Variants in CCDC7 observed in about 807,000 individuals in gnomAD.
The protein encoded by CCDC7 is coiled-coil domain-containing protein 7.
In CCDC7, 183 loss-of-function variants were observed where a neutral mutation model predicts 196.9. The ratio of observed to expected loss-of-function variants is 0.93; its 90% CI spans 0.82 to 1.05. The LOEUF is 1.05. Among genes scored for constraint, CCDC7 ranks in the 50% least tolerant of loss-of-function variants. The probability of loss-of-function intolerance (pLI) is 0.00; values close to 1 mark genes in which losing one functional copy is unlikely to be tolerated. For synonymous variants in CCDC7, 525 were observed against 484.6 expected (o/e 1.08, Z -1.10); for missense variants, 1,540 against 1,482.2 (o/e 1.04, Z -0.64).
At chr10:32,713,730 C>A (rs1310392887) in intron 25 of CCDC7, among the ~76,000 whole-genome samples, 2 of 152,204 alleles carry the variant, frequency 1.3e-5, no homozygotes, top group Non-Finnish European at 2.9e-5. Flanking sequence ...TCTCATAGAT[C>A]TCCTCTAGAA....
At chr10:32,679,218 A>T (rs1011309822) in intron 21 of CCDC7, among the ~76,000 whole-genome samples, 4 of 152,150 alleles carry the variant, frequency 2.6e-5, no homozygotes, top group Admixed American at 2.0e-4. Context: ...AAAGGCCAAT[A>T]ATTGTCTCTT....
At chr10:32,641,164 C>T (rs7921463) in intron 20 of CCDC7, among the ~76,000 whole-genome samples, 21,785 of 151,926 alleles carry the variant, frequency 0.14, 1,942 homozygotes, top group African/African-American at 0.26. Flanking sequence ...ATCTTTGTGG[C>T]GTTCTCTGTA....
At chr10:32,502,332 A>C (rs2044197370) in intron 9 of CCDC7, among the ~76,000 whole-genome samples, 2 of 152,252 alleles carry the variant, frequency 1.3e-5, no homozygotes, top group South Asian at 2.1e-4. Context: ...GACCCCTTGC[A>C]CTTCCCAGGT....
chr10:32,636,377 C>G (rs995745362), intron 20 of CCDC7, among the ~76,000 whole-genome samples: 1 of 152,134 alleles, frequency 6.6e-6, no homozygotes, highest in Non-Finnish European at 1.5e-5. Context: ...TATCCCTCCC[C>G]CTACCCCCAC....
At chr10:32,518,388 C>T (rs1160359871) in intron 10 of CCDC7, 28 bp from the exon 12 acceptor site, 2 of 1,549,494 alleles carry the variant, frequency 1.3e-6, no homozygotes, top group African/African-American at 1.4e-5. Flanking sequence ...TTTTACTCTT[C>T]ATTATTACTA....
intron 30 of CCDC7, among the ~76,000 whole-genome samples, chr10:32,812,379 A>G (rs1025451630): frequency 1.3e-5 from 2 of 152,106 alleles, no homozygotes; most frequent in Non-Finnish European, 2.9e-5. Context: ...ATAAAATTAT[A>G]TAAAGAAATA....
chr10:32,822,727 C>A (rs1474649454), intron 31 of CCDC7, among the ~76,000 whole-genome samples: 1 of 152,042 alleles, frequency 6.6e-6, no homozygotes, highest in African/African-American at 2.4e-5. Context: ...ATACACATTT[C>A]TGTAATAAGC....
At chr10:32,477,566 G>A (rs77008484) in intron 8 of CCDC7, among the ~76,000 whole-genome samples, 1 of 134,286 alleles carries the variant, frequency 7.4e-6, no homozygotes, top group East Asian at 2.3e-4. Context: ...TTTTTTTTTT[G>A]CATTTGGATG....
chr10:32,708,315 A>G (rs1003742422), intron 24 of CCDC7, among the ~76,000 whole-genome samples: 2 of 152,228 alleles, frequency 1.3e-5, no homozygotes, highest in African/African-American at 4.8e-5. Context: ...TTGTACAAAA[A>G]TTAATTCACA....
At chr10:32,640,575 C>G (rs1388176106) in intron 20 of CCDC7, among the ~76,000 whole-genome samples, 1 of 152,144 alleles carries the variant, frequency 6.6e-6, no homozygotes, top group Non-Finnish European at 1.5e-5. Flanking sequence ...TTATTTTGCT[C>G]GTTAGTTGAT....
intron 1 of CCDC7, among the ~76,000 whole-genome samples, chr10:32,452,609 C>T (rs1388743949): frequency 1.3e-5 from 2 of 152,174 alleles, no homozygotes; most frequent in African/African-American, 2.4e-5. Context: ...AGGAGCATGC[C>T]ACCATGCCTG....
At chr10:32,814,528 T>C in intron 31 of CCDC7, 75 bp downstream of exon 32, 2 of 1,047,754 alleles carry the variant, frequency 1.9e-6, no homozygotes, top group African/African-American at 3.1e-5. Context: ...AGTGTGCATC[T>C]TTAAGGAGAA....
chr10:32,701,953 G>T (rs9732979), intron 24 of CCDC7, among the ~76,000 whole-genome samples: 1 of 152,156 alleles, frequency 6.6e-6, no homozygotes, highest in Admixed American at 6.5e-5. Flanking sequence ...AATTTTGTTG[G>T]TCTTTTCAAA....
intron 41 of CCDC7, among the ~76,000 whole-genome samples, chr10:32,873,502 A>C: frequency 6.6e-6 from 1 of 151,758 alleles, no homozygotes; most frequent in Non-Finnish European, 1.5e-5. Flanking sequence ...AGCTTGCAGT[A>C]GTTTGATCGT....
chr10:32,574,322 A>G, intron 16 of CCDC7: 1 of 537,736 alleles, frequency 1.9e-6, no homozygotes, highest in Non-Finnish European at 2.6e-6. Context: ...ATATAATAAT[A>G]TAATATATTA....
chr10:32,781,413 A>G (rs1292153842), intron 29 of CCDC7, among the ~76,000 whole-genome samples: 1 of 152,208 alleles, frequency 6.6e-6, no homozygotes, highest in Non-Finnish European at 1.5e-5. Flanking sequence ...ACAAAATATT[A>G]GTAAATAAAA....
At chr10:32,672,317 G>T in intron 21 of CCDC7, among the ~76,000 whole-genome samples, 1 of 152,206 alleles carries the variant, frequency 6.6e-6, no homozygotes, top group Non-Finnish European at 1.5e-5. Context: ...GGCTAAACCA[G>T]TGTCTGGAGC....
intron 18 of CCDC7, among the ~76,000 whole-genome samples, chr10:32,628,730 T>G (rs1171355373): frequency 6.6e-6 from 1 of 152,114 alleles, no homozygotes; most frequent in East Asian, 1.9e-4. Flanking sequence ...TCATTGTATG[T>G]TTTAATTTTC....
chr10:32,725,979 T>C (rs1380215458), intron 25 of CCDC7, among the ~76,000 whole-genome samples: 1 of 152,180 alleles, frequency 6.6e-6, no homozygotes, highest in African/African-American at 2.4e-5. Context: ...CTTAGAAGAA[T>C]ATAATTTCTG....
Sources: gnomAD v4.1 joint callset for allele counts (sites outside exome capture counted in the v4.1 genomes callset) on GRCh38, gnomAD v4.1.1 for gene constraint, MANE v1.5 for transcripts, NCBI Gene and HGNC (gene_info 2026-07-23, HGNC 2026-07-21) for gene names.